RIMS2: variants seen among roughly 807,000 people sequenced by gnomAD.
RIMS2 encodes the protein regulating synaptic membrane exocytosis 2.
A neutral mutation model predicts 174.4 loss-of-function variants in RIMS2; 59 were observed. That is an observed-to-expected ratio of 0.34 (90% CI 0.27 to 0.42). The LOEUF (loss-of-function observed/expected upper bound fraction) is 0.42. RIMS2 is among the 10% of genes least tolerant of loss of function. The probability of loss-of-function intolerance (pLI) is 1.00; values close to 1 mark genes in which losing one functional copy is unlikely to be tolerated. For synonymous variants in RIMS2, 606 were observed against 572.5 expected (o/e 1.06, Z -0.84); for missense variants, 1,620 against 1,666.3 (o/e 0.97, Z 0.48).
chr8:103,553,989 G>A (rs1405754151), intron 1 of RIMS2, among the ~76,000 whole-genome samples: 1 of 152,104 alleles, frequency 6.6e-6, no homozygotes, highest in East Asian at 1.9e-4. Context: ...GGAATAACTG[G>A]GTAGTGTTTG....
chr8:104,009,831 C>A (rs994566437), intron 17 of RIMS2, among the ~76,000 whole-genome samples: 1 of 152,072 alleles, frequency 6.6e-6, no homozygotes, highest in Admixed American at 6.6e-5. Context: ...TGAAATAAGT[C>A]TGATTTAATA....
intron 1 of RIMS2, among the ~76,000 whole-genome samples, chr8:103,616,989 C>T (rs1174048253): frequency 6.6e-6 from 1 of 152,146 alleles, no homozygotes; most frequent in Admixed American, 6.5e-5. Context: ...ACCAAGCCAC[C>T]AATGATATTC....
At chr8:104,219,749 T>C (rs1304338378) in intron 19 of RIMS2, among the ~76,000 whole-genome samples, 2 of 152,186 alleles carry the variant, frequency 1.3e-5, no homozygotes, top group South Asian at 4.1e-4. Context: ...AAATACTGGA[T>C]GATAATGATT....
At chr8:103,819,018 A>T (rs2098734852) in intron 3 of RIMS2, among the ~76,000 whole-genome samples, 1 of 152,138 alleles carries the variant, frequency 6.6e-6, no homozygotes. Flanking sequence ...AAAAGAGAAA[A>T]GGGTTGGGGA....
intron 19 of RIMS2, among the ~76,000 whole-genome samples, chr8:104,101,112 T>C (rs373089599): frequency 2.0e-3 from 283 of 143,164 alleles, no homozygotes; most frequent in African/African-American, 5.2e-3. Flanking sequence ...GCATATATTA[T>C]ATATGTAATA....
chr8:103,685,706 A>G (rs2096933121), intron 1 of RIMS2, among the ~76,000 whole-genome samples: 2 of 152,170 alleles, frequency 1.3e-5, no homozygotes, highest in Non-Finnish European at 2.9e-5. Context: ...CTTTGTCAGT[A>G]CCATGTTTAC....
At chr8:103,619,648 A>G (rs2095589435) in intron 1 of RIMS2, among the ~76,000 whole-genome samples, 2 of 152,146 alleles carry the variant, frequency 1.3e-5, no homozygotes, top group South Asian at 2.1e-4. Flanking sequence ...AACAGATCAC[A>G]TAGAGAAAGA....
chr8:103,804,467 T>C (rs970833864), intron 3 of RIMS2, among the ~76,000 whole-genome samples: 1 of 149,646 alleles, frequency 6.7e-6, no homozygotes, highest in African/African-American at 2.4e-5. Context: ...CAAGATTATA[T>C]AAGGTAACAT....
intron 2 of RIMS2, among the ~76,000 whole-genome samples, chr8:103,724,187 A>G (rs1384307525): frequency 6.6e-6 from 1 of 151,960 alleles, no homozygotes; most frequent in African/African-American, 2.4e-5. Flanking sequence ...TGTTCCACCC[A>G]GGTGCTATAA....
At chr8:104,229,639 G>A (rs1005868443) in intron 19 of RIMS2, among the ~76,000 whole-genome samples, 6 of 151,782 alleles carry the variant, frequency 4.0e-5, no homozygotes, top group Non-Finnish European at 5.9e-5. Context: ...TTTCTTTCTC[G>A]GCAGCTAGCT....
chr8:104,187,162 G>GT (rs2098972690), intron 19 of RIMS2, among the ~76,000 whole-genome samples: 2 of 151,752 alleles, frequency 1.3e-5, no homozygotes, highest in Admixed American at 1.3e-4. Flanking sequence ...AAAAGTCATT[G>GT]TATGGTTCTT....
intron 1 of RIMS2, among the ~76,000 whole-genome samples, chr8:103,615,243 T>G (rs1055119706): frequency 6.6e-6 from 1 of 152,112 alleles, no homozygotes; most frequent in Non-Finnish European, 1.5e-5. Flanking sequence ...GCTCAAAACC[T>G]ACATGGAAAT....
intron 15 of RIMS2, among the ~76,000 whole-genome samples, chr8:103,963,935 C>T (rs1218327774): frequency 4.6e-5 from 7 of 152,156 alleles, no homozygotes; most frequent in Non-Finnish European, 7.3e-5. Flanking sequence ...TGGAATCATA[C>T]AGTTTGTAGC....
chr8:103,831,704 C>G (rs2098827074), intron 3 of RIMS2, among the ~76,000 whole-genome samples: 1 of 151,946 alleles, frequency 6.6e-6, no homozygotes, highest in South Asian at 2.1e-4. Flanking sequence ...CCATTTTTTT[C>G]TTTTCAAACC....
intron 13 of RIMS2, 100 bp downstream of exon 15, chr8:103,936,822 A>C (rs970540131): frequency 2.2e-6 from 2 of 899,490 alleles, no homozygotes; most frequent in South Asian, 4.0e-5. Context: ...TAGGCCAGGC[A>C]TGGTGGCTCA....
At chr8:103,502,747 A>G (rs2130798780) in intron 1 of RIMS2, among the ~76,000 whole-genome samples, 1 of 152,180 alleles carries the variant, frequency 6.6e-6, no homozygotes, top group South Asian at 2.1e-4. Flanking sequence ...GTGCGGCCAA[A>G]ATGATGCTCC....
intron 3 of RIMS2, among the ~76,000 whole-genome samples, chr8:103,778,262 T>C (rs1189741258): frequency 6.6e-6 from 1 of 152,082 alleles, no homozygotes; most frequent in East Asian, 1.9e-4. Flanking sequence ...TTTATGCTGG[T>C]AATATTCAAA....
At position 104,148,642 on chromosome 8, in the gene RIMS2, G is replaced by T. The variant is rs141633396; in HGVS notation, c.3335-96274G>T. Reference sequence around the variant, plus strand: ...TCCAAAATGCAAAGCAGACAAATGGGCATATCAGGGAAGAACATGACAAAA... The same window carrying T: ...TCCAAAATGCAAAGCAGACAAATGGTCATATCAGGGAAGAACATGACAAAA... On this transcript the variant is annotated intron_variant, in intron 19 of 23. Coordinates refer to ENST00000504942, the Ensembl canonical transcript of RIMS2. 7 of 1,598,020 alleles carry T rather than the reference G, an allele frequency of 4.4e-6. No homozygotes were observed. The Admixed American group carries it at 1.0e-4, about 23-fold the overall frequency.
chr8:104,135,276 A>G (rs986876973), intron 19 of RIMS2, among the ~76,000 whole-genome samples: 1 of 152,072 alleles, frequency 6.6e-6, no homozygotes, highest in Non-Finnish European at 1.5e-5. Flanking sequence ...TAGTGGAGCA[A>G]CTGTGCTCTA....
Sources: gnomAD v4.1 joint callset for allele counts (sites outside exome capture counted in the v4.1 genomes callset) on GRCh38, gnomAD v4.1.1 for gene constraint, MANE v1.5 for transcripts, NCBI Gene and HGNC (gene_info 2026-07-23, HGNC 2026-07-21) for gene names.